MAP3K4: variants seen among roughly 807,000 people sequenced by gnomAD.
MAP3K4 encodes MAP three kinase 1.
A neutral mutation model predicts 185.6 loss-of-function variants in MAP3K4; 67 were observed. That is an observed-to-expected ratio of 0.36 (90% CI 0.30 to 0.44). The LOEUF is 0.44. MAP3K4 is among the 20% of genes least tolerant of loss of function. MAP3K4 has a pLI of 1.00. For missense variants in MAP3K4, 1,551 were observed against 1,995.1 expected (o/e 0.78, Z 4.24); for synonymous variants, 702 against 710.4 (o/e 0.99, Z 0.19).
intron 1 of MAP3K4, among the ~76,000 whole-genome samples, chr6:160,995,529 T>C (rs917665914): frequency 1.3e-5 from 2 of 152,222 alleles, no homozygotes; most frequent in Admixed American, 6.5e-5. Context: ...AAGAGTGTTA[T>C]GCAGTGACCC....
At chr6:161,001,344 A>G (rs554043118) in intron 1 of MAP3K4, among the ~76,000 whole-genome samples, 54 of 152,142 alleles carry the variant, frequency 3.5e-4, no homozygotes, top group Admixed American at 2.8e-3. Flanking sequence ...TATTCTGTAT[A>G]TGCATGATAT....
intron 1 of MAP3K4, among the ~76,000 whole-genome samples, chr6:161,021,637 A>T (rs1782394777): frequency 6.6e-6 from 1 of 152,174 alleles, no homozygotes; most frequent in Admixed American, 6.6e-5. Flanking sequence ...CTTCCTCCAT[A>T]GCATAATTCA....
At chr6:161,009,416 T>A (rs1467050141) in intron 1 of MAP3K4, among the ~76,000 whole-genome samples, 3 of 152,210 alleles carry the variant, frequency 2.0e-5, no homozygotes, top group Non-Finnish European at 2.9e-5. Context: ...CAACTCCCCA[T>A]CTACCCCGGT....
At position 161,077,976 on chromosome 6, in the gene MAP3K4, G is replaced by A. The variant is rs893441760; in HGVS notation, c.2098-2905G>A. Reference sequence around the variant, plus strand: ...CTCAAAGCACAAGCTTTGGGATTAGGAGGAACAGTAGTTCCTCTGCTATAA... The same window carrying A: ...CTCAAAGCACAAGCTTTGGGATTAGAAGGAACAGTAGTTCCTCTGCTATAA... On this transcript the variant is annotated intron_variant, in intron 5 of 26. Transcript: ENST00000392142. This position sits in a 1 kb window ranked among gnomAD's most constrained non-coding sequence, Gnocchi z 4.3. 6.6e-6 allele frequency among the ~76,000 whole-genome samples: 1 copy of A among 152,206 alleles called. No individual in the cohort carries two copies. The highest frequency in any genetic ancestry group is 1.5e-5 in the Non-Finnish European group (1 of 68,046).
In MAP3K4 at chr6:161,051,771, C is replaced by G. The variant is rs1321431548; in HGVS notation, c.1707+1792C>G. 6.6e-6 allele frequency among the ~76,000 whole-genome samples: 1 copy of G among 152,144 alleles called. No individual in the cohort carries two copies. The highest frequency in any genetic ancestry group is 2.4e-5 in the African/African-American group (1 of 41,420). The stretch of plus-strand genomic sequence containing the variant: ...GTGCATCCTCCTGTATGCTTTAAAT[C>G]ATCTATAGATTACTTATAATACCTA... On this transcript the variant is annotated intron_variant, in intron 3 of 26. Coordinates refer to ENST00000392142, the MANE Select transcript of MAP3K4 (RefSeq NM_005922.4). This position sits in a 1 kb window ranked among gnomAD's most constrained non-coding sequence, Gnocchi z 4.2.
In MAP3K4 at chr6:161,056,441, A is replaced by G. The variant is rs1043511103; in HGVS notation, c.1707+6462A>G. On this transcript the variant is annotated intron_variant, in intron 3 of 26. Coordinates refer to ENST00000392142, the MANE Select transcript of MAP3K4 (RefSeq NM_005922.4). This position sits in a 1 kb window ranked among gnomAD's most constrained non-coding sequence, Gnocchi z 5.4. Reference sequence around the variant, plus strand: ...TATACACACAGATTTATAATTCCCTATCTAAAATAATCATGAGTTCATACT... The same window carrying G: ...TATACACACAGATTTATAATTCCCTGTCTAAAATAATCATGAGTTCATACT... Among the ~76,000 whole-genome samples, 1 of 152,180 alleles carries G rather than the reference A, an allele frequency of 6.6e-6. No individual in the cohort carries two copies. The highest frequency in any genetic ancestry group is 2.4e-5 in the African/African-American group (1 of 41,436).
rs144471290 is a variant in MAP3K4 at position 160,993,367 on chromosome 6, T to C, written c.152+1284T>C. ...TTCGAGCAATTTTGATACCTTTTTC[T>C]TTAAAATTAATAGTGAACACTTAAC... is the stretch of plus-strand genomic sequence containing the variant. On this transcript the variant is annotated intron_variant, in intron 1 of 26. Coordinates refer to ENST00000392142, the MANE Select transcript of MAP3K4 (RefSeq NM_005922.4). Among the ~76,000 whole-genome samples the C allele has an allele frequency of 1.7e-3, 262 of 152,350 alleles. 2 individuals are homozygous for C. The highest frequency in any genetic ancestry group is 6.0e-3 in the African/African-American group (248 of 41,578).
In MAP3K4 at chr6:161,049,742, A is replaced by G; in HGVS notation, c.1470A>G (p.Ile490Met). 1.2e-6 allele frequency: 2 copies of G among 1,614,142 alleles called. No homozygotes were observed. The highest frequency in any genetic ancestry group is 1.7e-6 in the Non-Finnish European group (2 of 1,180,016). Residue 490 changes from isoleucine to methionine, a missense_variant, in exon 3 of 27, where the codon ATA becomes ATG. Ile to Met is a conservative substitution (Grantham distance 10). This residue lies in a region of MAP3K4 where 126 missense variants were observed against 112.8 expected (regional missense o/e 1.12). Transcript: ENST00000392142. The surrounding 1 kb of genome is among the most constrained non-coding windows in gnomAD (Gnocchi z 8.4). ...TCGACATCCAGTCGCGGGACTGCAT[A>G]TCCAAGAAGCTTGAGAGGCTCGAAT... is the stretch of plus-strand genomic sequence containing the variant. ...NSFDIQSRDC[I>M]SKKLERLESE... is the part of the protein sequence containing the mutation.
chr6:161,090,934 G>T (rs1475204021), intron 11 of MAP3K4, among the ~76,000 whole-genome samples: 1 of 152,218 alleles, frequency 6.6e-6, no homozygotes, highest in Non-Finnish European at 1.5e-5. Context: ...GACGCTGAGG[G>T]GAGGGGGAGA....
intron 1 of MAP3K4, among the ~76,000 whole-genome samples, chr6:161,010,356 A>G (rs1781788564): frequency 6.6e-6 from 1 of 152,186 alleles, no homozygotes; most frequent in Admixed American, 6.5e-5. Context: ...AGTATTTCTT[A>G]AATAGTTACA....
chr6:161,003,058 A>G (rs1781403014), intron 1 of MAP3K4, among the ~76,000 whole-genome samples: 1 of 152,196 alleles, frequency 6.6e-6, no homozygotes. Context: ...GGTTTGTGAC[A>G]TATGATTCCA....
intron 1 of MAP3K4, among the ~76,000 whole-genome samples, chr6:161,005,025 C>T (rs1781511149): frequency 6.6e-6 from 1 of 152,162 alleles, no homozygotes; most frequent in Non-Finnish European, 1.5e-5. Context: ...AACCACCAAA[C>T]TTATCCAGTC....
intron 1 of MAP3K4, among the ~76,000 whole-genome samples, chr6:161,025,738 G>A (rs906863269): frequency 2.6e-5 from 4 of 152,162 alleles, no homozygotes; most frequent in African/African-American, 9.7e-5. Flanking sequence ...CGAGAAGAGT[G>A]GGTAGAAGAT....
rs879376680 is a variant in MAP3K4, at chr6:161,076,222, G to T, written c.2097+2610G>T. ...TTAACTAGAGCCTTGATATCTAGGG[G>T]TGTGACAGCCATGACCGAAGCTGAG... is the stretch of plus-strand genomic sequence containing the variant. On this transcript the variant is annotated intron_variant, in intron 5 of 26. Transcript: ENST00000392142. The surrounding 1 kb of genome is among the most constrained non-coding windows in gnomAD (Gnocchi z 4.2). Among the ~76,000 whole-genome samples the T allele has an allele frequency of 6.6e-6, 1 of 152,196 alleles. No homozygotes were observed. The highest frequency in any genetic ancestry group is 6.5e-5 in the Admixed American group (1 of 15,280).
rs541244839 is a variant in MAP3K4, at chr6:161,093,383, T to G, written c.3348+327T>G. Among the ~76,000 whole-genome samples the G allele has an allele frequency of 6.6e-6, 1 of 152,342 alleles. No individual in the cohort carries two copies. The highest frequency in any genetic ancestry group is 2.1e-4 in the South Asian group (1 of 4,828). On this transcript the variant is annotated intron_variant, in intron 14 of 26. Coordinates refer to ENST00000392142, the MANE Select transcript of MAP3K4 (RefSeq NM_005922.4). The surrounding 1 kb of genome is among the most constrained non-coding windows in gnomAD (Gnocchi z 5.2). The stretch of plus-strand genomic sequence containing the variant: ...ATTAGCTCTTTTACCTCAGTGTGCA[T>G]CATTTTGAGAGCATCATGCTCGTGT...
Position 161,053,660 on chromosome 6 carries a change from C to G in MAP3K4, c.1707+3681C>G, listed in dbSNP as rs879502946. Among the ~76,000 whole-genome samples the G allele has an allele frequency of 9.2e-5, 14 of 152,104 alleles. No individual in the cohort carries two copies. The highest frequency in any genetic ancestry group is 3.3e-4 in the Admixed American group (5 of 15,272). On this transcript the variant is annotated intron_variant, in intron 3 of 26. Transcript: ENST00000392142. This position sits in a 1 kb window ranked among gnomAD's most constrained non-coding sequence, Gnocchi z 4.2. ...AGGCTGGAGTGTAATGGGAAGATCT[C>G]GGCTCACTGCAACCTCTGTCTCCCG...
chr6:161,086,129 A>G lies in MAP3K4; in HGVS notation c.2373-250A>G, dbSNP rs1199018394. On this transcript the variant is annotated intron_variant, in intron 7 of 26. Transcript: ENST00000392142. This position sits in a 1 kb window ranked among gnomAD's most constrained non-coding sequence, Gnocchi z 4.8. ...AAATGTTAAGAAAATTGAGCTTCCTATTATTTGAAGGTTATTAAATGTGCC... is the reference window on the plus strand; with the variant it reads ...AAATGTTAAGAAAATTGAGCTTCCTGTTATTTGAAGGTTATTAAATGTGCC... 5.9e-5 allele frequency among the ~76,000 whole-genome samples: 9 copies of G among 152,304 alleles called. No individual in the cohort carries two copies. The highest frequency in any genetic ancestry group is 3.4e-3 in the Middle Eastern group (1 of 294).
intron 1 of MAP3K4, among the ~76,000 whole-genome samples, chr6:161,005,134 A>G (rs1435899703): frequency 3.3e-5 from 5 of 151,680 alleles, no homozygotes; most frequent in South Asian, 2.1e-4. Flanking sequence ...ACAAAAGTAT[A>G]TAAACTTTTT....
chr6:161,011,590 G>T (rs1781844466), intron 1 of MAP3K4, among the ~76,000 whole-genome samples: 1 of 152,166 alleles, frequency 6.6e-6, no homozygotes. Context: ...TTCTGGAAAT[G>T]CCAGAAACCG....
Sources: allele counts gnomAD v4.1 joint callset (sites outside exome capture counted in the v4.1 genomes callset), GRCh38; gene constraint gnomAD v4.1.1; regional missense constraint gnomAD v4.1.1; non-coding constraint Gnocchi (gnomAD v3.1); transcripts MANE v1.5; gene names NCBI Gene and HGNC (gene_info 2026-07-23, HGNC 2026-07-21).